Variants in RUFY2 observed in about 807,000 individuals in gnomAD.
The protein encoded by RUFY2 is RUN and FYVE domain-containing protein 2.
In RUFY2, 49 loss-of-function variants were observed where a neutral mutation model predicts 94.4. The ratio of observed to expected loss-of-function variants is 0.52; its 90% confidence interval spans 0.41 to 0.66. The LOEUF (loss-of-function observed/expected upper bound fraction) is 0.66, where lower values mean the gene tolerates loss of function less well. RUFY2 is among the 30% of genes least tolerant of loss of function. RUFY2 has a pLI of 0.00. For missense variants in RUFY2, 541 were observed against 692.8 expected (o/e 0.78, Z 2.46); for synonymous variants, 255 against 235.7 (o/e 1.08, Z -0.75).
chr10:68,404,761 G>C lies in RUFY2; in HGVS notation c.88C>G (p.Leu30Val), dbSNP rs777887240. 4 of 1,613,490 alleles carry C rather than the reference G, an allele frequency of 2.5e-6. No individual in the cohort carries two copies. Among genetic ancestry groups the C allele is most frequent in the Admixed American group, 1.7e-5 (1 of 59,890 alleles). ...GAATCCAAAGTGCGGCCAAAGCTCAGAGCAGATTCAATGAGTCCTTTGATA... is the reference window on the plus strand; with the variant it reads ...GAATCCAAAGTGCGGCCAAAGCTCACAGCAGATTCAATGAGTCCTTTGATA... ...LSIKGLIESA[L>V]SFGRTLDSDY... The change falls in exon 2 of 18, where the codon CTG becomes GTG. Residue 30 changes from leucine (L) to valine (V), a missense_variant. By Grantham distance (32) the Leu-to-Val change is conservative. This residue lies in a region of RUFY2 where 53 missense variants were observed against 58.6 expected (regional missense o/e 0.90). Transcript: ENST00000602465.
At chr10:68,364,380 C>A (rs1209864843) in intron 13 of RUFY2, among the ~76,000 whole-genome samples, 1 of 152,106 alleles carries the variant, frequency 6.6e-6, no homozygotes, top group South Asian at 2.1e-4. Context: ...ATAAATATTG[C>A]ATAAGCATAG....
intron 3 of RUFY2, among the ~76,000 whole-genome samples, chr10:68,400,544 C>T (rs1365878712): frequency 4.0e-5 from 6 of 151,180 alleles, no homozygotes; most frequent in African/African-American, 7.3e-5. Flanking sequence ...GGCATGGTGG[C>T]ATGCACCTGT....
At chr10:68,376,714 T>G (rs2048707157) in intron 13 of RUFY2, 139 bp downstream of exon 13, 1 of 720,818 alleles carries the variant, frequency 1.4e-6, no homozygotes, top group African/African-American at 1.8e-5. Context: ...TTTCTAAATT[T>G]TTTTGTTTTT....
chr10:68,382,515 C>T lies in RUFY2; in HGVS notation c.940-1116G>A, dbSNP rs183201618. Among the ~76,000 whole-genome samples, 932 of 150,992 alleles carry T rather than the reference C, an allele frequency of 6.2e-3. 15 individuals carry two copies. The highest frequency in any genetic ancestry group is 0.022 in the African/African-American group (897 of 41,244). On this transcript the variant is annotated intron_variant, in intron 10 of 17. Transcript: ENST00000602465. ...AGATCATGAGGTCAAGAGATCGAGA[C>T]CATCCTGGCTAACATGGTGAAACTC...
chr10:68,363,828 T>C, intron 14 of RUFY2, 144 bp from the exon 15 acceptor site: 1 of 817,632 alleles, frequency 1.2e-6, no homozygotes, highest in Non-Finnish European at 1.9e-6. Flanking sequence ...TCCTAGCTGC[T>C]GTATCAACTA....
chr10:68,397,033 A>C, intron 3 of RUFY2, 152 bp from the exon 4 acceptor site: 1 of 555,388 alleles, frequency 1.8e-6, no homozygotes, highest in East Asian at 2.9e-5. Flanking sequence ...ACACAAACCA[A>C]TCCCTGAGAG....
chr10:68,393,278 AAATT>A, intron 6 of RUFY2, 75 bp from the exon 7 acceptor site: 1 of 678,858 alleles, frequency 1.5e-6, no homozygotes, highest in Non-Finnish European at 2.4e-6. Context: ...AAATCATCTA[AAATT>A]ATTATAAAAC....
chr10:68,397,972 C>T (rs568808143), intron 3 of RUFY2, among the ~76,000 whole-genome samples: 31 of 151,254 alleles, frequency 2.0e-4, no homozygotes, highest in African/African-American at 7.3e-4. Flanking sequence ...ACTAAAAACA[C>T]AAAAAATAGC....
intron 3 of RUFY2, among the ~76,000 whole-genome samples, chr10:68,400,571 G>A (rs2050749752): frequency 6.6e-6 from 1 of 151,854 alleles, no homozygotes; most frequent in African/African-American, 2.4e-5. Flanking sequence ...AGCTACTCGG[G>A]AGGCTGAGGC....
At chr10:68,402,715 C>A (rs1300128111) in intron 2 of RUFY2, among the ~76,000 whole-genome samples, 1 of 139,260 alleles carries the variant, frequency 7.2e-6, no homozygotes, top group African/African-American at 3.1e-5. Flanking sequence ...CAGAGTGAGA[C>A]CCCCATCTCA....
rs1465056081 is a variant in RUFY2 at position 68,396,769 on chromosome 10, A to G, written c.398+11T>C. On this transcript the variant is annotated intron_variant, in intron 4 of 17. Transcript: ENST00000602465. ...TAAAAAATGAAAAGATCACGACTTA[A>G]TAGTACTAACCTCAAGAGATCCCTC... 8 of 1,570,786 alleles carry G rather than the reference A, an allele frequency of 5.1e-6. No individual in the cohort carries two copies. The African/African-American group carries it at 5.4e-5, about 11-fold the overall frequency.
chr10:68,390,882 T>C (rs2049925489), intron 7 of RUFY2, among the ~76,000 whole-genome samples: 1 of 151,970 alleles, frequency 6.6e-6, no homozygotes, highest in South Asian at 2.1e-4. Context: ...TCTTCTTGCC[T>C]TAGCCTCCCA....
At chr10:68,378,636 C>T (rs2048823448) in intron 12 of RUFY2, 2 of 1,612,712 alleles carry the variant, frequency 1.2e-6, no homozygotes, top group African/African-American at 1.3e-5. Context: ...AATGACATTG[C>T]AATTGTCCTA....
At chr10:68,405,717 T>A (rs1439569138) in intron 1 of RUFY2, 1 of 983,470 alleles carries the variant, frequency 1.0e-6, no homozygotes, top group East Asian at 1.1e-4. Context: ...CTACCCTCTT[T>A]CTGTCTGGCT....
At chr10:68,377,052 A>C in intron 12 of RUFY2, 80 bp from the exon 13 acceptor site, 1 of 1,568,200 alleles carries the variant, frequency 6.4e-7, no homozygotes, top group Non-Finnish European at 8.6e-7. Flanking sequence ...AAATAAAAGA[A>C]AAATGGGGAA....
rs961944819 is a variant in RUFY2 at position 68,372,112 on chromosome 10, T to TA, written c.1325+4740dup. Among the ~76,000 whole-genome samples the TA allele has an allele frequency of 1.1e-4, 16 of 151,876 alleles. No homozygotes were observed. The East Asian group carries it at 1.9e-3, about 18-fold the overall frequency. On this transcript the variant is annotated intron_variant, in intron 13 of 17. Coordinates refer to ENST00000602465, the MANE Select transcript of RUFY2 (RefSeq NM_001330103.2). ...GAGCAACATAATAAGACCTCATTTCTAAAAAAAAATTTAAGGCCAGGTGCA... is the reference window on the plus strand; with the variant it reads ...GAGCAACATAATAAGACCTCATTTCTAAAAAAAAAATTTAAGGCCAGGTGCA...
intron 16 of RUFY2, among the ~76,000 whole-genome samples, chr10:68,349,739 C>T (rs1347148942): frequency 6.6e-6 from 1 of 151,866 alleles, no homozygotes; most frequent in Non-Finnish European, 1.5e-5. Context: ...GGGGTTTCAC[C>T]GTGTTAGCCA....
intron 16 of RUFY2, among the ~76,000 whole-genome samples, chr10:68,348,414 G>A (rs571494343): frequency 6.6e-6 from 1 of 151,964 alleles, no homozygotes; most frequent in Admixed American, 6.6e-5. Flanking sequence ...CTACTTGGGA[G>A]GCTGAGGTGG....
chr10:68,346,007 C>T lies in RUFY2; in HGVS notation c.1677G>A (p.Lys559=). 1 of 1,613,486 alleles carries T rather than the reference C, an allele frequency of 6.2e-7. No homozygotes were observed. The highest frequency in any genetic ancestry group is 2.2e-5 in the East Asian group (1 of 44,860). The change falls in exon 17 of 18, where the codon AAG becomes AAA. Residue 559 remains lysine (K), a splice_region_variant and synonymous_variant. Coordinates refer to ENST00000602465, the MANE Select transcript of RUFY2 (RefSeq NM_001330103.2). Reference sequence around the variant, plus strand: ...TGGACTCACTTCTTATCTCCCTTACCTTTCTCTTAGAGAGTGAGAATTCCT... The same window carrying T: ...TGGACTCACTTCTTATCTCCCTTACTTTTCTCTTAGAGAGTGAGAATTCCT... ...CEKEFSLSKR[K]HHCRNCGEIF... is the part of the protein sequence containing the mutation.
Sources: allele counts gnomAD v4.1 joint callset (sites outside exome capture counted in the v4.1 genomes callset), GRCh38; gene constraint gnomAD v4.1.1; regional missense constraint gnomAD v4.1.1; transcripts MANE v1.5; gene names NCBI Gene and HGNC (gene_info 2026-07-23, HGNC 2026-07-21).